Variants in FLNA observed in about 807,000 individuals in gnomAD.
The protein encoded by FLNA is filamin A.
In FLNA, 7 loss-of-function variants were observed where a neutral mutation model predicts 157.6. The observed-to-expected ratio is 0.04, with a 90% confidence interval of 0.03 to 0.08. The LOEUF (loss-of-function observed/expected upper bound fraction) is 0.08, where lower values mean the gene tolerates loss of function less well. Ranked by LOEUF, FLNA falls within the 10% of genes least tolerant of loss-of-function variation. FLNA has a pLI of 1.00. For synonymous variants in FLNA, 1,103 were observed against 1,060.8 expected (o/e 1.04, Z -0.77); for missense variants, 1,750 against 2,398.4 (o/e 0.73, Z 5.65).
Position 154,371,175 on chromosome X carries a change from C to G in FLNA, c.71G>C (p.Arg24Pro). 1 of 1,193,946 alleles carries G rather than the reference C, an allele frequency of 8.4e-7. No individual in the cohort carries two copies. The highest frequency in any genetic ancestry group is 1.1e-6 in the Non-Finnish European group (1 of 887,288). ...GAAPGGGVDT[R>P]DAEMPATEKD... ...CTCGGTGGCCGGCATCTCGGCGTCCCGCGTGTCGACGCCGCCGCCCGGAGC... is the reference window on the plus strand; with the variant it reads ...CTCGGTGGCCGGCATCTCGGCGTCCGGCGTGTCGACGCCGCCGCCCGGAGC... The change falls in exon 2 of 48, where the codon CGG becomes CCG. Residue 24 changes from arginine to proline, a missense_variant. Physicochemically the swap from Arg to Pro is moderately radical, Grantham distance 103. This residue lies in a region of FLNA where 58 missense variants were observed against 27.8 expected (regional missense o/e 2.09). Transcript: ENST00000369850.
intron 15 of FLNA, among the ~76,000 whole-genome samples, chrX:154,363,674 T>C (rs782150886): frequency 1.3e-4 from 14 of 111,651 alleles, no homozygotes; most frequent in East Asian, 2.8e-4. Context: ...GATCGCGCCA[T>C]TGCACTCCAG....
rs782535653 is a variant in FLNA, at chrX:154,357,421, C to T, written c.4945+13G>A. On this transcript the variant is annotated intron_variant, in intron 29 of 47. Coordinates refer to ENST00000369850, the MANE Select transcript of FLNA (RefSeq NM_001110556.2). ...TGCCGAGCGCCGCAGCGGCCAACAG[C>T]GGGCGGGCTCACCTGTGACAGTGCA... 26 of 1,203,463 alleles carry T rather than the reference C, an allele frequency of 2.2e-5. No homozygotes were observed. Among genetic ancestry groups the T allele is most frequent in the South Asian group, 2.1e-4 (12 of 56,465 alleles).
Position 154,348,903 on chromosome X carries a change from G to C in FLNA, c.7890C>G (p.Val2630=), listed in dbSNP as rs781971590. The C allele has an allele frequency of 2.5e-6, 3 of 1,210,970 alleles. No homozygotes were observed. In the East Asian group the frequency reaches 8.9e-5, roughly 36 times the overall value. The change falls in exon 48 of 48, where the codon GTC becomes GTG. Residue 2630 remains valine (V), a synonymous_variant. Transcript: ENST00000369850. ...CTGGGATGTGCTCGTCCCCCCATTT[G>C]ACCACCAGTGTGTACTCCCCCTTGT... is the stretch of plus-strand genomic sequence containing the variant. ...LKDKGEYTLV[V]KWGDEHIPGS... is the part of the protein sequence containing the mutation.
chrX:154,348,653 C>G lies in FLNA; in HGVS notation c.*196G>C. On this transcript the variant is annotated 3_prime_UTR_variant, in exon 48 of 48. Transcript: ENST00000369850. Reference sequence around the variant, plus strand: ...AGACAAGCAGCGCCACCAAATGGCTCCCTCTGCCCAAGTGAAAGCCGAGAG... The same window carrying G: ...AGACAAGCAGCGCCACCAAATGGCTGCCTCTGCCCAAGTGAAAGCCGAGAG... 2.5e-6 allele frequency: 1 copy of G among 406,301 alleles called. No individual in the cohort carries two copies. Among genetic ancestry groups the G allele is most frequent in the Non-Finnish European group, 4.2e-6 (1 of 237,391 alleles). 33.5% of individuals were successfully genotyped at this position (406,301 alleles called of 1,213,427 possible). A position where few individuals can be genotyped will look rare whatever the true frequency, so the allele number is the denominator to read the frequency against.
intron 2 of FLNA, among the ~76,000 whole-genome samples, chrX:154,370,327 T>TG (rs782289868): frequency 2.7e-5 from 3 of 111,639 alleles, no homozygotes; most frequent in African/African-American, 9.9e-5. Flanking sequence ...CCTGTGTGTG[T>TG]GTGGGGGGGT....
chrX:154,361,657 C>T lies in FLNA; in HGVS notation c.2944+13G>A, dbSNP rs1557178069. 1 of 1,204,965 alleles carries T rather than the reference C, an allele frequency of 8.3e-7. No individual in the cohort carries two copies. The highest frequency in any genetic ancestry group is 1.1e-6 in the Non-Finnish European group (1 of 889,490). Reference sequence around the variant, plus strand: ...TGACAAAGGCCTTTGCGACAAGGGCCCCAACTACTTACTCTCTCCCAGGCC... The same window carrying T: ...TGACAAAGGCCTTTGCGACAAGGGCTCCAACTACTTACTCTCTCCCAGGCC... On this transcript the variant is annotated intron_variant, in intron 20 of 47. Coordinates refer to ENST00000369850, the MANE Select transcript of FLNA (RefSeq NM_001110556.2).
chrX:154,361,009 TG>T (rs1255297100), intron 21 of FLNA, among the ~76,000 whole-genome samples: 1 of 76,699 alleles, frequency 1.3e-5, no homozygotes, highest in Non-Finnish European at 2.3e-5. Context: ...ATCGCGCCAC[TG>T]CACTCCAGCC....
intron 1 of FLNA, among the ~76,000 whole-genome samples, chrX:154,372,953 G>C (rs1294961199): frequency 8.9e-6 from 1 of 111,767 alleles, no homozygotes; most frequent in African/African-American, 3.3e-5. Context: ...GGCCCCACTG[G>C]TTTTTCCCAC....
At chrX:154,367,818 T>C in intron 3 of FLNA, 24 bp downstream of exon 3, 1 of 1,209,959 alleles carries the variant, frequency 8.3e-7, no homozygotes, top group Non-Finnish European at 1.1e-6. Flanking sequence ...CAGCCCAGTC[T>C]CTCCTGCCTC....
In FLNA at chrX:154,365,211, C is replaced by A; in HGVS notation, c.1616G>T (p.Gly539Val). The stretch of plus-strand genomic sequence containing the variant: ...AGGGACCATGGGGTAATACTCGAAG[C>A]CATACACGCCATCCCCCAGGTCCTT... ...KQKDLGDGVY[G>V]FEYYPMVPGT... The change falls in exon 11 of 48, where the codon GGC becomes GTC. Residue 539 changes from glycine (G) to valine (V), a missense_variant. By Grantham distance (109) the Gly-to-Val change is moderately radical. Coordinates refer to ENST00000369850, the MANE Select transcript of FLNA (RefSeq NM_001110556.2). 1.7e-6 allele frequency: 2 copies of A among 1,211,359 alleles called. No individual in the cohort carries two copies. Among genetic ancestry groups the A allele is most frequent in the Non-Finnish European group, 2.2e-6 (2 of 895,118 alleles).
Position 154,364,183 on chromosome X carries a change from G to C in FLNA, c.2137-18C>G. 3 of 1,211,276 alleles carry C rather than the reference G, an allele frequency of 2.5e-6. No homozygotes were observed. The highest frequency in any genetic ancestry group is 3.4e-6 in the Non-Finnish European group (3 of 895,265). On this transcript the variant is annotated intron_variant, in intron 14 of 47. Coordinates refer to ENST00000369850, the MANE Select transcript of FLNA (RefSeq NM_001110556.2). ...TCATTGTCCTGTCAGGCAGATAGGAGCAGGTGGCCTGCTGGTCAGTGCCCA... is the reference window on the plus strand; with the variant it reads ...TCATTGTCCTGTCAGGCAGATAGGACCAGGTGGCCTGCTGGTCAGTGCCCA...
At chrX:154,368,153 T>A in intron 2 of FLNA, 63 bp from the exon 3 acceptor site, 1 of 1,206,283 alleles carries the variant, frequency 8.3e-7, no homozygotes. Flanking sequence ...ATCCCAGGCT[T>A]TGGGGTCAGG....
In FLNA at chrX:154,349,462, A is replaced by T. The variant is rs367666924; in HGVS notation, c.7656T>A (p.Pro2552=). Residue 2552 remains proline, a synonymous_variant, in exon 47 of 48, where the codon CCT becomes CCA. Transcript: ENST00000369850. ...CCACCTTGCTGGCGTCAGCAGGCCC[A>T]GGACCCGGGGCCCCATGCTGGGGGG... The part of the protein sequence containing the change: ...TCAPQHGAPG[P]GPADASKVVA... The T allele has an allele frequency of 1.3e-5, 16 of 1,211,765 alleles. No individual in the cohort carries two copies. Among genetic ancestry groups the T allele is most frequent in the Non-Finnish European group, 1.8e-5 (16 of 895,206 alleles).
chrX:154,357,125 C>T, intron 30 of FLNA, 126 bp downstream of exon 30: 1 of 679,295 alleles, frequency 1.5e-6, no homozygotes, highest in Non-Finnish European at 2.2e-6. Context: ...ATCTTCTGCA[C>T]CCCACCCAAC....
chrX:154,364,843 G>A lies in FLNA; in HGVS notation c.1806C>T (p.Ile602=), dbSNP rs782543203. ...TACCCAGCGTGCCCACGTCGTCCCC[G>A]ATAGCCTCCACCACAAAGTCTGCTG... ...GKSADFVVEA[I]GDDVGTLGFS... is the part of the protein sequence containing the mutation. The change falls in exon 12 of 48, where the codon ATC becomes ATT. Residue 602 remains isoleucine, a synonymous_variant. Coordinates refer to ENST00000369850, the MANE Select transcript of FLNA (RefSeq NM_001110556.2). The A allele has an allele frequency of 2.6e-5, 31 of 1,209,742 alleles. No homozygotes were observed. The highest frequency in any genetic ancestry group is 2.3e-4 in the Middle Eastern group (1 of 4,375).
chrX:154,363,625 A>AT (rs782287820), intron 15 of FLNA, among the ~76,000 whole-genome samples: 8 of 110,845 alleles, frequency 7.2e-5, no homozygotes, highest in Non-Finnish European at 1.3e-4. Flanking sequence ...AGGCAAGACA[A>AT]TGGTGTGAAC....
intron 2 of FLNA, among the ~76,000 whole-genome samples, chrX:154,370,330 G>GT (rs1412172152): frequency 1.8e-5 from 2 of 110,846 alleles, no homozygotes; most frequent in Admixed American, 9.4e-5. Context: ...GTGTGTGTGT[G>GT]GGGGGGTAGA....
intron 30 of FLNA, among the ~76,000 whole-genome samples, chrX:154,355,291 G>C (rs1337238022): frequency 8.8e-6 from 1 of 113,673 alleles, no homozygotes; most frequent in Non-Finnish European, 1.9e-5. Flanking sequence ...TGCCCATGTG[G>C]GAGAGGCCCG....
chrX:154,351,432 G>A (rs2067618186), intron 43 of FLNA, 149 bp downstream of exon 43: 8 of 465,221 alleles, frequency 1.7e-5, no homozygotes, highest in Non-Finnish European at 1.9e-5. Flanking sequence ...GACCCCAAGC[G>A]TGGGCTGCAC....
Sources: allele counts gnomAD v4.1 joint callset (sites outside exome capture counted in the v4.1 genomes callset), GRCh38; gene constraint gnomAD v4.1.1; regional missense constraint gnomAD v4.1.1; transcripts MANE v1.5; gene names NCBI Gene and HGNC (gene_info 2026-07-23, HGNC 2026-07-21).